PCMT1: variants seen among roughly 807,000 people sequenced by gnomAD.
PCMT1 encodes protein-L-isoaspartate(D-aspartate) O-methyltransferase.
Under a neutral mutation model 29.2 loss-of-function variants are expected in PCMT1, and 9 were observed. The observed-to-expected ratio is 0.31, with a 90% CI of 0.19 to 0.54. The LOEUF is 0.54. PCMT1 is among the 20% of genes least tolerant of loss of function. The probability of loss-of-function intolerance (pLI) is 0.95; values close to 1 mark genes in which losing one functional copy is unlikely to be tolerated. For missense variants in PCMT1, 184 were observed against 282.2 expected, an observed-to-expected ratio of 0.65 and a Z score of 2.49; for synonymous variants, 98 against 97.5, an observed-to-expected ratio of 1.00 and a Z score of -0.03.
chr6:149,798,702 C>G (rs1232164100), intron 6 of PCMT1, among the ~76,000 whole-genome samples: 1 of 152,190 alleles, frequency 6.6e-6, no homozygotes, highest in Non-Finnish European at 1.5e-5. Flanking sequence ...GGAATAATAG[C>G]TGACCCAGGA....
intron 4 of PCMT1, among the ~76,000 whole-genome samples, chr6:149,792,463 A>G (rs559864536): frequency 1.3e-5 from 2 of 152,300 alleles, no homozygotes; most frequent in Admixed American, 6.5e-5. Flanking sequence ...TTTATACTTA[A>G]TATTTTAATT....
chr6:149,755,036 G>T (rs901253822), intron 1 of PCMT1, among the ~76,000 whole-genome samples: 9 of 152,132 alleles, frequency 5.9e-5, no homozygotes, highest in Admixed American at 2.6e-4. Context: ...CATACAGATG[G>T]TCCCTGACTT....
At chr6:149,750,535 A>G (rs1265520454) in intron 1 of PCMT1, among the ~76,000 whole-genome samples, 1 of 152,124 alleles carries the variant, frequency 6.6e-6, no homozygotes, top group Non-Finnish European at 1.5e-5. Context: ...ATGCTGGGAG[A>G]AATTTCTCGG....
chr6:149,754,366 G>A lies in PCMT1; in HGVS notation c.55+4410G>A, dbSNP rs148175523. On this transcript the variant is annotated intron_variant, in intron 1 of 7. Transcript: ENST00000464889. ...ACAAATTAGCTTAATTTGAAACCGT[G>A]AGCCTGCTTAATCCAGGGAATGTGA... Among the ~76,000 whole-genome samples the A allele has an allele frequency of 1.6e-3, 238 of 152,268 alleles. 1 individual carries two copies. The highest frequency in any genetic ancestry group is 5.4e-3 in the African/African-American group (224 of 41,562).
chr6:149,750,728 C>T (rs954200553), intron 1 of PCMT1, among the ~76,000 whole-genome samples: 14 of 152,144 alleles, frequency 9.2e-5, no homozygotes, highest in African/African-American at 3.4e-4. Context: ...TTCTTTATAT[C>T]ACTCTCCTTA....
chr6:149,767,185 C>T (rs1023262660), intron 1 of PCMT1, among the ~76,000 whole-genome samples: 5 of 151,580 alleles, frequency 3.3e-5, no homozygotes, highest in Non-Finnish European at 5.9e-5. Flanking sequence ...CCAGCCTGGG[C>T]AACAGAGGAA....
intron 1 of PCMT1, among the ~76,000 whole-genome samples, chr6:149,761,359 A>C (rs1234564829): frequency 1.3e-5 from 2 of 152,206 alleles, no homozygotes; most frequent in Admixed American, 6.5e-5. Flanking sequence ...ATATATGTAC[A>C]TATTTAAAAG....
intron 3 of PCMT1, among the ~76,000 whole-genome samples, chr6:149,788,894 A>AT (rs1216307944): frequency 1.3e-5 from 2 of 151,856 alleles, no homozygotes; most frequent in South Asian, 2.1e-4. Flanking sequence ...GATTTTCTTA[A>AT]TTTTTTCTAT....
At chr6:149,784,893 C>T (rs1300123821) in intron 3 of PCMT1, among the ~76,000 whole-genome samples, 1 of 152,216 alleles carries the variant, frequency 6.6e-6, no homozygotes, top group African/African-American at 2.4e-5. Context: ...TCATACCTAA[C>T]AATGTTTCTT....
At chr6:149,788,733 C>T (rs918735888) in intron 3 of PCMT1, among the ~76,000 whole-genome samples, 4 of 152,076 alleles carry the variant, frequency 2.6e-5, no homozygotes, top group African/African-American at 9.7e-5. Flanking sequence ...TACTATTTTT[C>T]CTTTTGTGAT....
chr6:149,790,945 G>A (rs1788339856), intron 4 of PCMT1, among the ~76,000 whole-genome samples: 1 of 152,092 alleles, frequency 6.6e-6, no homozygotes, highest in Non-Finnish European at 1.5e-5. Context: ...AGGTGGAGGT[G>A]CAGTAAGCCT....
At chr6:149,766,733 A>G (rs925856820) in intron 1 of PCMT1, among the ~76,000 whole-genome samples, 7 of 152,182 alleles carry the variant, frequency 4.6e-5, no homozygotes, top group East Asian at 1.9e-4. Flanking sequence ...TCTCTGCTAT[A>G]GAATGTTTCT....
At chr6:149,791,012 A>G (rs371919308) in intron 4 of PCMT1, among the ~76,000 whole-genome samples, 2 of 151,990 alleles carry the variant, frequency 1.3e-5, no homozygotes, top group African/African-American at 4.8e-5. Flanking sequence ...AAACCTACTG[A>G]GGCACAGTGT....
chr6:149,751,359 C>T (rs9479810), intron 1 of PCMT1, among the ~76,000 whole-genome samples: 81,244 of 151,832 alleles, frequency 0.54, 24,941 homozygotes, highest in East Asian at 0.83. Flanking sequence ...AAGAATTTAA[C>T]AGTCATCCCT....
intron 1 of PCMT1, among the ~76,000 whole-genome samples, chr6:149,762,995 A>ATATGATATATATATC (rs1786887682): frequency 1.7e-5 from 1 of 59,870 alleles, no homozygotes; most frequent in Non-Finnish European, 2.3e-5. Context: ...TCTATGATAT[A>ATATGATATATATATC]TATGATATAT....
chr6:149,790,100 T>G, intron 4 of PCMT1, 42 bp downstream of exon 4: 1 of 1,166,796 alleles, frequency 8.6e-7, no homozygotes, highest in South Asian at 1.4e-5. Context: ...CAGAAGAATA[T>G]TATATGATTT....
chr6:149,802,607 CTT>C, intron 7 of PCMT1, 191 bp downstream of exon 7: 2 of 706,302 alleles, frequency 2.8e-6, no homozygotes, highest in Non-Finnish European at 3.8e-6. Flanking sequence ...GGCACAAAGG[CTT>C]TTTTTGTTTG....
intron 3 of PCMT1, among the ~76,000 whole-genome samples, chr6:149,777,810 C>A (rs964085383): frequency 2.7e-5 from 4 of 150,382 alleles, no homozygotes; most frequent in Admixed American, 6.7e-5. Flanking sequence ...TTTCTTTGTC[C>A]TTTCTCTTTC....
intron 3 of PCMT1, among the ~76,000 whole-genome samples, chr6:149,785,981 C>T (rs1157496230): frequency 2.0e-5 from 3 of 150,504 alleles, no homozygotes; most frequent in Non-Finnish European, 3.0e-5. Flanking sequence ...CCAGTAGGGG[C>T]GGCCGGGCAG....
Sources: allele counts gnomAD v4.1 joint callset (sites outside exome capture counted in the v4.1 genomes callset), GRCh38; gene constraint gnomAD v4.1.1; transcripts MANE v1.5; gene names NCBI Gene and HGNC (gene_info 2026-07-23, HGNC 2026-07-21).